The following ANO6 variants were observed in gnomAD, a reference collection of about 807,000 sequenced individuals.
ANO6 encodes anoctamin 6.
In ANO6, 106 loss-of-function variants were observed where a neutral mutation model predicts 117.5. The ratio of observed to expected loss-of-function variants is 0.90; its 90% CI spans 0.77 to 1.06. The LOEUF is 1.06. ANO6 is among the 50% of genes least tolerant of loss of function. The probability of loss-of-function intolerance (pLI) is 0.00; values close to 1 mark genes in which losing one functional copy is unlikely to be tolerated. For missense variants in ANO6, 955 were observed against 1,121.1 expected (o/e 0.85, Z 2.12); for synonymous variants, 367 against 385.1 (o/e 0.95, Z 0.55).
At position 45,347,070 on chromosome 12, in the gene ANO6, T is replaced by A; in HGVS notation, c.328T>A (p.Leu110Ile). Residue 110 changes from leucine to isoleucine, a missense_variant, in exon 4 of 20, where the codon TTA (leucine) becomes ATA (isoleucine). Coordinates refer to ENST00000320560, the MANE Select transcript of ANO6 (RefSeq NM_001025356.3). ...ESNLICHGLQ[L>I]EATRSVLDDK... ...TAACCTTATCTGTCATGGCCTGCAG[T>A]TAGAAGCAACAAGATCAGTAAGTAC... 1 of 1,614,050 alleles carries A rather than the reference T, an allele frequency of 6.2e-7. No individual in the cohort carries two copies. Among genetic ancestry groups the A allele is most frequent in the African/African-American group, 1.3e-5 (1 of 75,046 alleles).
chr12:45,242,903 G>A (rs1282164216), intron 1 of ANO6, among the ~76,000 whole-genome samples: 1 of 152,118 alleles, frequency 6.6e-6, no homozygotes, highest in Non-Finnish European at 1.5e-5. Flanking sequence ...GAATAGAAAA[G>A]TATACAATAA....
At chr12:45,303,501 A>T (rs1939564432) in intron 2 of ANO6, among the ~76,000 whole-genome samples, 1 of 152,360 alleles carries the variant, frequency 6.6e-6, no homozygotes, top group East Asian at 1.9e-4. Context: ...GTGTGCAACA[A>T]GGTGTTGGTG....
intron 1 of ANO6, among the ~76,000 whole-genome samples, chr12:45,298,770 G>T (rs76400618): frequency 6.6e-6 from 1 of 152,014 alleles, no homozygotes; most frequent in Non-Finnish European, 1.5e-5. Flanking sequence ...CATAGATACC[G>T]TTTATTGGAT....
chr12:45,232,837 T>C (rs529125943), intron 1 of ANO6, among the ~76,000 whole-genome samples: 1 of 152,350 alleles, frequency 6.6e-6, no homozygotes, highest in Non-Finnish European at 1.5e-5. Context: ...ATTCTTTCTT[T>C]GCATTTCAGT....
chr12:45,287,966 A>T (rs906932514), intron 1 of ANO6, among the ~76,000 whole-genome samples: 2 of 152,202 alleles, frequency 1.3e-5, no homozygotes, highest in African/African-American at 2.4e-5. Flanking sequence ...GTTTATTGGA[A>T]AATGGCTTAT....
At chr12:45,273,257 G>T (rs984463546) in intron 1 of ANO6, among the ~76,000 whole-genome samples, 1 of 152,024 alleles carries the variant, frequency 6.6e-6, no homozygotes, top group Non-Finnish European at 1.5e-5. Flanking sequence ...ATTTGATTGT[G>T]GTAATTGTTA....
intron 6 of ANO6, among the ~76,000 whole-genome samples, chr12:45,348,933 C>T (rs1482327721): frequency 6.6e-6 from 1 of 152,138 alleles, no homozygotes; most frequent in African/African-American, 2.4e-5. Context: ...GACCAAAATG[C>T]CTGCCCTGCC....
At chr12:45,319,629 C>A (rs1459240581) in intron 2 of ANO6, among the ~76,000 whole-genome samples, 8 of 152,140 alleles carry the variant, frequency 5.3e-5, no homozygotes, top group Admixed American at 5.2e-4. Context: ...ATGCTGGCCT[C>A]ATAAAATGAG....
chr12:45,289,176 T>C (rs1290370977), intron 1 of ANO6, among the ~76,000 whole-genome samples: 5 of 149,202 alleles, frequency 3.4e-5, no homozygotes, highest in African/African-American at 9.7e-5. Flanking sequence ...ATTACTTTTT[T>C]TTTTTTTTTG....
At chr12:45,267,259 C>T (rs1372782185) in intron 1 of ANO6, among the ~76,000 whole-genome samples, 2 of 152,172 alleles carry the variant, frequency 1.3e-5, no homozygotes, top group South Asian at 4.1e-4. Flanking sequence ...TCTGTGCCCT[C>T]ACATGGTCTT....
intron 1 of ANO6, among the ~76,000 whole-genome samples, chr12:45,279,956 A>G (rs966583887): frequency 3.3e-5 from 5 of 152,252 alleles, no homozygotes; most frequent in African/African-American, 1.2e-4. Context: ...AAGAGCTGTT[A>G]AAAGGTTAAA....
chr12:45,216,270 C>G lies in ANO6; in HGVS notation c.-52C>G, dbSNP rs1242431597. ...CTGGGAGAGCCGCGCCGTTCTGGAA[C>G]CCGGGAGCCCCCAACTTCGCGCCAA... On this transcript the variant is annotated 5_prime_UTR_variant, in exon 1 of 20. Coordinates refer to ENST00000320560, the MANE Select transcript of ANO6 (RefSeq NM_001025356.3). The G allele has an allele frequency of 1.3e-6, 2 of 1,565,472 alleles. No individual in the cohort carries two copies. The highest frequency in any genetic ancestry group is 1.7e-6 in the Non-Finnish European group (2 of 1,154,158).
chr12:45,432,562 C>T (rs1318379145), downstream of ANO6, among the ~76,000 whole-genome samples: 2 of 152,212 alleles, frequency 1.3e-5, no homozygotes, highest in Non-Finnish European at 2.9e-5. Flanking sequence ...TAAACTCAGC[C>T]CAAATCCTAT....
Position 45,256,003 on chromosome 12 carries a change from A to G in ANO6, c.70+39612A>G, listed in dbSNP as rs1937811306. Among the ~76,000 whole-genome samples, 2 of 151,768 alleles carry G rather than the reference A, an allele frequency of 1.3e-5. 1 individual carries two copies. Among genetic ancestry groups the G allele is most frequent in the South Asian group, 4.2e-4 (2 of 4,796 alleles). On this transcript the variant is annotated intron_variant, in intron 1 of 19. Coordinates refer to ENST00000320560, the MANE Select transcript of ANO6 (RefSeq NM_001025356.3). ...CCCCCACCTAATTTTTGTATTTTTT[A>G]GTAGAGACAGGGGTTTTGCCATGGT...
intron 1 of ANO6, among the ~76,000 whole-genome samples, chr12:45,288,363 A>C (rs1300173231): frequency 6.6e-6 from 1 of 152,194 alleles, no homozygotes. Flanking sequence ...CATCTTGAAA[A>C]AGGTTGTTAC....
chr12:45,403,180 G>A lies in ANO6; in HGVS notation c.1721G>A (p.Gly574Asp). 1 of 1,613,918 alleles carries A rather than the reference G, an allele frequency of 6.2e-7. No individual in the cohort carries two copies. Among genetic ancestry groups the A allele is most frequent in the Non-Finnish European group, 8.5e-7 (1 of 1,179,924 alleles). ...TGCTTCTACATAGCATTCTTTAAGG[G>A]CAAATTTGTAGGCTATCCAGGAGAC... is the stretch of plus-strand genomic sequence containing the variant. Reference protein sequence around the residue: ...SSCFYIAFFKGKFVGYPGDPV... With the variant: ...SSCFYIAFFKDKFVGYPGDPV... Residue 574 changes from glycine (G) to aspartate (D), a missense_variant, in exon 14 of 20, where the codon GGC becomes GAC. Gly to Asp is a moderately conservative substitution (Grantham distance 94, BLOSUM62 -1). Transcript: ENST00000320560.
At chr12:45,385,592 G>A (rs76708253) in intron 10 of ANO6, among the ~76,000 whole-genome samples, 2,059 of 152,138 alleles carry the variant, frequency 0.014, 47 homozygotes, top group African/African-American at 0.047. Context: ...TGCCACCTGA[G>A]ACCAGCATGG....
intron 3 of ANO6, among the ~76,000 whole-genome samples, chr12:45,344,884 CAG>C (rs1238575101): frequency 1.3e-5 from 2 of 152,020 alleles, no homozygotes; most frequent in African/African-American, 2.4e-5. Flanking sequence ...TATGGTGGGT[CAG>C]GGGTGGAAAG....
At chr12:45,306,721 A>G (rs898271690) in intron 2 of ANO6, among the ~76,000 whole-genome samples, 1 of 152,090 alleles carries the variant, frequency 6.6e-6, no homozygotes, top group East Asian at 1.9e-4. Context: ...GTGAAGAAAC[A>G]GGAAAAAAAA....
Sources: gnomAD v4.1 joint callset for allele counts (sites outside exome capture counted in the v4.1 genomes callset) on GRCh38, gnomAD v4.1.1 for gene constraint, MANE v1.5 for transcripts, NCBI Gene and HGNC (gene_info 2026-07-23, HGNC 2026-07-21) for gene names.